The following SGCD variants were observed in gnomAD, a reference collection of about 807,000 sequenced individuals.
SGCD encodes sarcoglycan delta.
In SGCD, 18 loss-of-function variants were observed where a neutral mutation model predicts 36.6. The observed-to-expected ratio is 0.49, with a 90% confidence interval of 0.34 to 0.73. The LOEUF (loss-of-function observed/expected upper bound fraction) is 0.73. Ranked by LOEUF, SGCD falls within the 30% of genes least tolerant of loss-of-function variation. SGCD has a pLI of 0.01. For synonymous variants in SGCD, 133 were observed against 130.6 expected (o/e 1.02, Z -0.12); for missense variants, 387 against 346.7 (o/e 1.12, Z -0.92).
chr5:156,740,753 A>G (rs1756629075), intron 7 of SGCD, among the ~76,000 whole-genome samples: 1 of 152,218 alleles, frequency 6.6e-6, no homozygotes, highest in African/African-American at 2.4e-5. Context: ...AAAGAAAAAA[A>G]TTCAAATCAA....
intron 1 of SGCD, among the ~76,000 whole-genome samples, chr5:155,873,089 G>A (rs1356372801): frequency 5.3e-5 from 8 of 152,058 alleles, no homozygotes; most frequent in East Asian, 1.9e-4. Context: ...CCTGATCAAG[G>A]CTACAGTGCC....
intron 2 of SGCD, among the ~76,000 whole-genome samples, chr5:156,337,882 C>T (rs1768440579): frequency 6.6e-6 from 1 of 151,950 alleles, no homozygotes; most frequent in African/African-American, 2.4e-5. Flanking sequence ...TTTTGTAAGT[C>T]AACTCTGTAC....
chr5:156,212,752 A>C (rs1764478329), intron 3 of SGCD, among the ~76,000 whole-genome samples: 1 of 152,166 alleles, frequency 6.6e-6, no homozygotes, highest in Non-Finnish European at 1.5e-5. Flanking sequence ...GTTAGGCCAC[A>C]AAGCAAGTCT....
At chr5:156,295,544 C>T (rs746607755) in intron 3 of SGCD, among the ~76,000 whole-genome samples, 28 of 152,116 alleles carry the variant, frequency 1.8e-4, no homozygotes, top group Non-Finnish European at 3.8e-4. Flanking sequence ...TCATAAAACA[C>T]TGTATTTTCC....
chr5:156,259,340 T>C (rs1157373536), intron 3 of SGCD, among the ~76,000 whole-genome samples: 1 of 152,058 alleles, frequency 6.6e-6, no homozygotes, highest in Non-Finnish European at 1.5e-5. Context: ...TGTAGAGTTT[T>C]ATGTAATCTG....
intron 1 of SGCD, among the ~76,000 whole-genome samples, chr5:156,058,370 A>T (rs1212776966): frequency 6.8e-6 from 1 of 146,572 alleles, no homozygotes; most frequent in Non-Finnish European, 1.5e-5. Context: ...ACATTAAAAG[A>T]GATTTCAAAC....
chr5:156,270,756 G>A (rs186844223), intron 3 of SGCD, among the ~76,000 whole-genome samples: 2 of 152,282 alleles, frequency 1.3e-5, no homozygotes, highest in Non-Finnish European at 2.9e-5. Flanking sequence ...CCTCATCTGT[G>A]TAGTAGGGGC....
intron 1 of SGCD, among the ~76,000 whole-genome samples, chr5:155,874,430 GT>G (rs1755723204): frequency 1.3e-5 from 2 of 152,068 alleles, no homozygotes; most frequent in South Asian, 4.1e-4. Context: ...AAAGGAAGAA[GT>G]CATTTTTGCT....
intron 7 of SGCD, among the ~76,000 whole-genome samples, chr5:156,671,755 A>C (rs985034377): frequency 2.6e-5 from 4 of 152,190 alleles, no homozygotes; most frequent in Non-Finnish European, 5.9e-5. Flanking sequence ...ATTTATAAAG[A>C]AAAGAGGGTC....
intron 1 of SGCD, among the ~76,000 whole-genome samples, chr5:155,930,623 C>A (rs1035139898): frequency 1.3e-5 from 2 of 152,028 alleles, no homozygotes; most frequent in African/African-American, 4.8e-5. Context: ...GAGTAGGGTC[C>A]TCTTTTAGCT....
At chr5:156,268,184 C>T (rs1446221941) in intron 3 of SGCD, among the ~76,000 whole-genome samples, 1 of 152,188 alleles carries the variant, frequency 6.6e-6, no homozygotes, top group Non-Finnish European at 1.5e-5. Flanking sequence ...TTTATGGCTA[C>T]ATAGTATTCT....
chr5:156,097,464 C>T (rs1255129850), intron 1 of SGCD, among the ~76,000 whole-genome samples: 1 of 152,116 alleles, frequency 6.6e-6, no homozygotes, highest in African/African-American at 2.4e-5. Context: ...ATTCAGTCCT[C>T]AAGTTCAGAG....
chr5:156,667,349 G>T (rs981021301), intron 7 of SGCD, among the ~76,000 whole-genome samples: 1 of 152,106 alleles, frequency 6.6e-6, no homozygotes, highest in African/African-American at 2.4e-5. Flanking sequence ...ATACCATTGT[G>T]GAAGAAATCC....
chr5:156,543,369 G>A (rs1384996941), intron 4 of SGCD, among the ~76,000 whole-genome samples: 2 of 152,180 alleles, frequency 1.3e-5, no homozygotes, highest in Non-Finnish European at 2.9e-5. Context: ...TGCTTGCTAA[G>A]TGCTGCTCAG....
chr5:156,162,199 T>G (rs1179375891), intron 3 of SGCD, among the ~76,000 whole-genome samples: 2 of 151,528 alleles, frequency 1.3e-5, no homozygotes, highest in African/African-American at 2.4e-5. Context: ...GCTGCAGTTT[T>G]GCAAATAAAC....
intron 7 of SGCD, 33 bp from the exon 8 acceptor site, chr5:156,757,548 G>A (rs760990900): frequency 7.5e-7 from 1 of 1,327,362 alleles, no homozygotes; most frequent in South Asian, 1.3e-5. Flanking sequence ...AAAGAAAAAG[G>A]GATCTTTATT....
At chr5:155,924,433 T>G (rs1756953289) in intron 1 of SGCD, among the ~76,000 whole-genome samples, 1 of 152,208 alleles carries the variant, frequency 6.6e-6, no homozygotes. Flanking sequence ...ACATCTATTT[T>G]AATCAGGCAC....
intron 4 of SGCD, among the ~76,000 whole-genome samples, chr5:156,537,459 C>CA (rs1758163233): frequency 7.9e-6 from 1 of 125,808 alleles, no homozygotes. Context: ...AAGGTAGCAG[C>CA]CACACACACA....
At chr5:156,146,464 G>A (rs1477978708) in intron 3 of SGCD, among the ~76,000 whole-genome samples, 1 of 152,186 alleles carries the variant, frequency 6.6e-6, no homozygotes, top group Non-Finnish European at 1.5e-5. Flanking sequence ...GGAATAAGCG[G>A]TGAAGGAAAG....
Sources: gnomAD v4.1 joint callset for allele counts (sites outside exome capture counted in the v4.1 genomes callset) on GRCh38, gnomAD v4.1.1 for gene constraint, MANE v1.5 for transcripts, NCBI Gene and HGNC (gene_info 2026-07-23, HGNC 2026-07-21) for gene names.